Variants in CIB4 observed in about 807,000 individuals in gnomAD.
CIB4 encodes calcium and integrin-binding family member 4.
CIB4 carries 25 observed loss-of-function variants against 25.8 expected under a neutral mutation model. That is an observed-to-expected ratio of 0.97 (90% CI 0.71 to 1.35). The LOEUF is 1.35. Ranked by LOEUF, CIB4 falls within the 40% of genes most tolerant of loss-of-function variation. The pLI is 0.00. For synonymous variants in CIB4, 75 were observed against 81.4 expected (o/e 0.92, Z 0.42); for missense variants, 235 against 228.2 (o/e 1.03, Z -0.19).
intron 3 of CIB4, among the ~76,000 whole-genome samples, chr2:26,621,271 A>AAG (rs1669200522): frequency 6.7e-6 from 1 of 149,058 alleles, no homozygotes; most frequent in Non-Finnish European, 1.5e-5. Context: ...AAAAAAAAAA[A>AAG]CAGGGAATGA....
At chr2:26,593,369 CACACGCACACATAT>C (rs1668622397) in intron 4 of CIB4, among the ~76,000 whole-genome samples, 4 of 151,288 alleles carry the variant, frequency 2.6e-5, no homozygotes, top group Admixed American at 2.6e-4. Flanking sequence ...TACATATATA[CACACGCACACATAT>C]ACACACACAC....
At chr2:26,596,019 G>A (rs187603227) in intron 3 of CIB4, among the ~76,000 whole-genome samples, 3 of 152,340 alleles carry the variant, frequency 2.0e-5, no homozygotes, top group Non-Finnish European at 2.9e-5. Flanking sequence ...ATGTGAGCAC[G>A]TTGGAAGATG....
At position 26,632,612 on chromosome 2, in the gene CIB4, G is replaced by T. The variant is rs143860639; in HGVS notation, c.90-3106C>A. ...ACTCTACCAAAAATATAAAAAATTA[G>T]CCCAGCATGGTGGCGCGCATCCATA... On this transcript the variant is annotated intron_variant, in intron 2 of 6. Transcript: ENST00000288861. Among the ~76,000 whole-genome samples, 170 of 152,180 alleles carry T rather than the reference G, an allele frequency of 1.1e-3. 1 individual carries two copies. The highest frequency in any genetic ancestry group is 3.8e-3 in the African/African-American group (159 of 41,534).
At chr2:26,606,491 CCCT>C (rs1444981687) in intron 3 of CIB4, among the ~76,000 whole-genome samples, 2 of 152,140 alleles carry the variant, frequency 1.3e-5, no homozygotes, top group East Asian at 1.9e-4. Flanking sequence ...GAGGACTCCC[CCCT>C]CCTCCCGCGC....
chr2:26,637,147 T>TG (rs1173554555), intron 2 of CIB4, among the ~76,000 whole-genome samples: 2 of 152,082 alleles, frequency 1.3e-5, no homozygotes, highest in Non-Finnish European at 2.9e-5. Context: ...AGGGCAGGGG[T>TG]GCCAAGTTGA....
chr2:26,589,060 C>CTTCTTCTTCTTCTTCTTCTTCTTCTTCT lies in CIB4; in HGVS notation c.329-5163_329-5162insAGAAGAAGAAGAAGAAGAAGAAGAAGAA, dbSNP rs762556634. ...CTTCTTCTTCTTCTTCTTCTTCTTC[C>CTTCTTCTTCTTCTTCTTCTTCTTCTTCT]TCTTCCTCTTCCTCTTCTTCTTCTT... is the stretch of plus-strand genomic sequence containing the variant. On this transcript the variant is annotated intron_variant, in intron 4 of 6. Transcript: ENST00000288861. Among the ~76,000 whole-genome samples the CTTCTTCTTCTTCTTCTTCTTCTTCTTCT allele has an allele frequency of 8.2e-5, 3 of 36,470 alleles. 1 individual carries two copies. The highest frequency in any genetic ancestry group is 3.6e-4 in the African/African-American group (3 of 8,250). 23.9% of individuals were successfully genotyped at this position (36,470 alleles called of 152,430 possible). A position where few individuals can be genotyped will look rare whatever the true frequency, so the allele number is the denominator to read the frequency against.
intron 3 of CIB4, among the ~76,000 whole-genome samples, chr2:26,621,433 C>T (rs1173550880): frequency 6.6e-6 from 1 of 152,122 alleles, no homozygotes; most frequent in African/African-American, 2.4e-5. Flanking sequence ...GTTTCAGTGG[C>T]ATGCACATGT....
At chr2:26,599,046 GAATA>G (rs1165837777) in intron 3 of CIB4, among the ~76,000 whole-genome samples, 1 of 152,158 alleles carries the variant, frequency 6.6e-6, no homozygotes, top group Non-Finnish European at 1.5e-5. Context: ...AAATCTGAAC[GAATA>G]AATTTGGGGA....
At chr2:26,597,863 G>A (rs1463815247) in intron 3 of CIB4, among the ~76,000 whole-genome samples, 3 of 151,556 alleles carry the variant, frequency 2.0e-5, no homozygotes, top group Non-Finnish European at 2.9e-5. Context: ...GAGCCGGCCT[G>A]AGACCCAGGA....
chr2:26,605,395 C>A, intron 3 of CIB4: 1 of 426,752 alleles, frequency 2.3e-6, no homozygotes. Flanking sequence ...CCCATTCCAC[C>A]CTGTGCTCCT....
intron 2 of CIB4, among the ~76,000 whole-genome samples, chr2:26,630,260 A>G (rs1314880280): frequency 6.6e-6 from 1 of 151,880 alleles, no homozygotes; most frequent in Non-Finnish European, 1.5e-5. Flanking sequence ...TGTCTCTCTC[A>G]CCCTATCCTG....
intron 6 of CIB4, 57 bp from the exon 7 acceptor site, chr2:26,581,450 C>G: frequency 1.7e-5 from 26 of 1,568,906 alleles, no homozygotes; most frequent in Non-Finnish European, 2.2e-5. Context: ...GGCCCTCTGA[C>G]TCCTGGGTTC....
chr2:26,610,817 C>T (rs1178986595), intron 3 of CIB4, among the ~76,000 whole-genome samples: 1 of 104,944 alleles, frequency 9.5e-6, no homozygotes, highest in Non-Finnish European at 2.1e-5. Context: ...ATTAAGAAAA[C>T]TGAGGGGTGA....
chr2:26,603,410 C>G (rs1668831340), intron 3 of CIB4, among the ~76,000 whole-genome samples: 2 of 152,050 alleles, frequency 1.3e-5, no homozygotes, highest in African/African-American at 4.8e-5. Context: ...ATAAAAATAC[C>G]TATATAAAAA....
At position 26,630,325 on chromosome 2, in the gene CIB4, G is replaced by C. The variant is rs149939398; in HGVS notation, c.90-819C>G. Reference sequence around the variant, plus strand: ...TTAGGCCTACAGGTCCAGCACCCAAGGCAGCCAGTGGAGGTGAGACAGTGG... The same window carrying C: ...TTAGGCCTACAGGTCCAGCACCCAACGCAGCCAGTGGAGGTGAGACAGTGG... On this transcript the variant is annotated intron_variant, in intron 2 of 6. Coordinates refer to ENST00000288861, the MANE Select transcript of CIB4 (RefSeq NM_001029881.3). 2.4e-4 allele frequency among the ~76,000 whole-genome samples: 37 copies of C among 152,308 alleles called. No individual in the cohort carries two copies. The East Asian group carries it at 7.2e-3, about 29-fold the overall frequency.
In CIB4 at chr2:26,582,824, C is replaced by G. The variant is rs142991987; in HGVS notation, c.527+1G>C. ...GTCTCACCCCCTCCAGAATGCCTTA[C>G]TTCATGAAATCTGGAGACTTGGCCA... On this transcript the variant is annotated splice_donor_variant, in intron 6 of 6. Transcript: ENST00000288861. LOFTEE classifies it high-confidence loss of function. The G allele has an allele frequency of 6.2e-7, 1 of 1,604,648 alleles. No individual in the cohort carries two copies. The highest frequency in any genetic ancestry group is 1.3e-5 in the African/African-American group (1 of 74,708).
chr2:26,624,651 G>A (rs1237907287), intron 3 of CIB4, among the ~76,000 whole-genome samples: 1 of 146,734 alleles, frequency 6.8e-6, no homozygotes, highest in Non-Finnish European at 1.5e-5. Flanking sequence ...TGGCAAAACT[G>A]AAAGTTGGCA....
chr2:26,583,888 C>A lies in CIB4; in HGVS notation c.339G>T (p.Glu113Asp). ...GATCCTCCTCATCAATGAAGCCATT[C>A]TCATTAAAATCTGCAAAGAAGAGGC... ...EYAFRIYDFNENGFIDEEDLQ... is the reference protein window; with the variant it reads ...EYAFRIYDFNDNGFIDEEDLQ... Residue 113 changes from glutamate (E) to aspartate (D), a missense_variant, in exon 5 of 7, where the codon GAG (glutamate) becomes GAT (aspartate). Physicochemically the swap from Glu to Asp is conservative, Grantham distance 45. Coordinates refer to ENST00000288861, the MANE Select transcript of CIB4 (RefSeq NM_001029881.3). 6.2e-7 allele frequency: 1 copy of A among 1,610,572 alleles called. No homozygotes were observed.
chr2:26,621,058 G>A (rs1669194451), intron 3 of CIB4, among the ~76,000 whole-genome samples: 1 of 151,698 alleles, frequency 6.6e-6, no homozygotes, highest in South Asian at 2.1e-4. Flanking sequence ...CAGAAAGAAA[G>A]GACAAAGAAA....
Sources: gnomAD v4.1 joint callset for allele counts (sites outside exome capture counted in the v4.1 genomes callset) on GRCh38, gnomAD v4.1.1 for gene constraint, MANE v1.5 for transcripts, NCBI Gene and HGNC (gene_info 2026-07-23, HGNC 2026-07-21) for gene names.